The following OSBPL9 variants were observed in gnomAD, a reference collection of about 807,000 sequenced individuals.
The protein encoded by OSBPL9 is oxysterol binding protein like 9, also known as oxysterol-binding protein-related protein 9.
A neutral mutation model predicts 106.6 loss-of-function variants in OSBPL9; 40 were observed. The ratio of observed to expected loss-of-function variants is 0.38; its 90% CI spans 0.29 to 0.49. OSBPL9 has a LOEUF of 0.49. OSBPL9 is among the 20% of genes least tolerant of loss of function. OSBPL9 has a pLI of 0.97. For synonymous variants in OSBPL9, 269 were observed against 295.4 expected (o/e 0.91, Z 0.92); for missense variants, 609 against 887.2 (o/e 0.69, Z 3.98).
chr1:51,751,244 G>A (rs529995044), intron 8 of OSBPL9, among the ~76,000 whole-genome samples: 7 of 151,878 alleles, frequency 4.6e-5, no homozygotes, highest in Non-Finnish European at 7.4e-5. Context: ...GCACCACCAC[G>A]CCTGGCTAAT....
intron 3 of OSBPL9, among the ~76,000 whole-genome samples, chr1:51,703,441 T>C (rs189857455): frequency 0.019 from 2,870 of 152,278 alleles, 49 homozygotes; most frequent in African/African-American, 0.046. Flanking sequence ...TGGCTCTTTG[T>C]TTGTCTGTTA....
At chr1:51,638,877 G>A (rs1033647476) in intron 1 of OSBPL9, among the ~76,000 whole-genome samples, 15 of 151,942 alleles carry the variant, frequency 9.9e-5, no homozygotes, top group African/African-American at 3.4e-4. Context: ...ACTTTGGGAG[G>A]CCAAGTCCAG....
chr1:51,721,570 G>C (rs1184804732), intron 4 of OSBPL9, among the ~76,000 whole-genome samples: 1 of 152,116 alleles, frequency 6.6e-6, no homozygotes, highest in Non-Finnish European at 1.5e-5. Context: ...ACCCTCAATA[G>C]CTATAATGGA....
chr1:51,654,989 G>A (rs1404634300), intron 2 of OSBPL9, among the ~76,000 whole-genome samples: 1 of 152,154 alleles, frequency 6.6e-6, no homozygotes, highest in Non-Finnish European at 1.5e-5. Context: ...TCTGGAGATG[G>A]ATGGTGATGA....
chr1:51,575,244 A>G (rs935853098), upstream of OSBPL9, among the ~76,000 whole-genome samples: 2 of 152,136 alleles, frequency 1.3e-5, no homozygotes, highest in Non-Finnish European at 2.9e-5. Context: ...TCTGTCTCCC[A>G]GGCTGGAGTG....
chr1:51,745,694 G>A (rs926791518), intron 5 of OSBPL9, 63 bp downstream of exon 5: 78 of 1,410,202 alleles, frequency 5.5e-5, no homozygotes, highest in Non-Finnish European at 2.3e-5. Flanking sequence ...CTTGATTTTT[G>A]AGTAAAAACA....
intron 3 of OSBPL9, among the ~76,000 whole-genome samples, chr1:51,699,396 T>G (rs752244921): frequency 6.6e-6 from 1 of 152,018 alleles, no homozygotes; most frequent in African/African-American, 2.4e-5. Context: ...CACACACATA[T>G]ACACTCACAT....
At chr1:51,669,588 A>G (rs1198831895) in intron 3 of OSBPL9, 76 bp downstream of exon 3, 1 of 1,414,410 alleles carries the variant, frequency 7.1e-7, no homozygotes, top group Non-Finnish European at 9.9e-7. Flanking sequence ...TGTTTGCTGG[A>G]TGACTTGAAT....
chr1:51,726,528 TG>T (rs1305164125), intron 4 of OSBPL9, among the ~76,000 whole-genome samples: 1 of 152,234 alleles, frequency 6.6e-6, no homozygotes, highest in East Asian at 1.9e-4. Flanking sequence ...GAAAAATTTT[TG>T]AAAGTAGTAC....
chr1:51,543,078 G>A, the OSBPL9 span, among the ~76,000 whole-genome samples: 9 of 152,168 alleles, frequency 5.9e-5, no homozygotes, highest in Admixed American at 5.9e-4. Flanking sequence ...TTGTGAGACT[G>A]TAATCCTGGG....
intron 3 of OSBPL9, among the ~76,000 whole-genome samples, chr1:51,694,196 CTTAT>C (rs1262701018): frequency 6.6e-6 from 1 of 152,104 alleles, no homozygotes; most frequent in Non-Finnish European, 1.5e-5. Flanking sequence ...AAAACATGTA[CTTAT>C]TTATTTAAAA....
At chr1:51,712,366 C>T (rs1221651793) in intron 3 of OSBPL9, among the ~76,000 whole-genome samples, 1 of 152,100 alleles carries the variant, frequency 6.6e-6, no homozygotes, top group African/African-American at 2.4e-5. Context: ...AGTCCAGCTT[C>T]GGCTCCACAT....
chr1:51,641,364 C>T (rs893908078), intron 1 of OSBPL9, among the ~76,000 whole-genome samples: 3 of 152,148 alleles, frequency 2.0e-5, no homozygotes, highest in Non-Finnish European at 2.9e-5. Flanking sequence ...CTAATACCAT[C>T]ATCTTAGGGG....
At chr1:51,519,913 G>A in the OSBPL9 span, among the ~76,000 whole-genome samples, 1 of 152,200 alleles carries the variant, frequency 6.6e-6, no homozygotes, top group South Asian at 2.1e-4. Flanking sequence ...AAGCAAAAAT[G>A]TATTTGCCTG....
At chr1:51,781,357 T>C in intron 16 of OSBPL9, 22 bp downstream of exon 16, 1 of 1,602,008 alleles carries the variant, frequency 6.2e-7, no homozygotes, top group Non-Finnish European at 8.5e-7. Flanking sequence ...ATTGACATTT[T>C]TAAATTATCT....
chr1:51,689,955 T>C (rs1248621219), intron 3 of OSBPL9, among the ~76,000 whole-genome samples: 7 of 152,186 alleles, frequency 4.6e-5, no homozygotes, highest in African/African-American at 1.4e-4. Flanking sequence ...GTTCTCCCTT[T>C]TTCTGGATTC....
chr1:51,689,557 A>G (rs1654541513), intron 3 of OSBPL9, among the ~76,000 whole-genome samples: 1 of 152,132 alleles, frequency 6.6e-6, no homozygotes, highest in African/African-American at 2.4e-5. Context: ...TCTTCCCCAG[A>G]ATATGTTAAA....
chr1:51,579,055 A>ATTTTT (rs560800594), intron 1 of OSBPL9, among the ~76,000 whole-genome samples: 1 of 139,394 alleles, frequency 7.2e-6, no homozygotes, highest in Non-Finnish European at 1.6e-5. Context: ...CTTCAGCAGA[A>ATTTTT]TTTTTTTTTT....
intron 4 of OSBPL9, among the ~76,000 whole-genome samples, chr1:51,740,402 A>T (rs556987445): frequency 6.6e-6 from 1 of 152,164 alleles, no homozygotes; most frequent in East Asian, 1.9e-4. Flanking sequence ...AATTAAAAAA[A>T]AATGTCTGCT....
Sources: gnomAD v4.1 joint callset for allele counts (sites outside exome capture counted in the v4.1 genomes callset) on GRCh38, gnomAD v4.1.1 for gene constraint, MANE v1.5 for transcripts, NCBI Gene and HGNC (gene_info 2026-07-23, HGNC 2026-07-21) for gene names.